Variants in SPATA31E1 observed in about 807,000 individuals in gnomAD.
The protein encoded by SPATA31E1 is spermatogenesis-associated protein 31E1.
SPATA31E1 carries 7 observed loss-of-function variants against 12.9 expected under a neutral mutation model. The ratio of observed to expected loss-of-function variants is 0.54; its 90% CI spans 0.31 to 1.02. SPATA31E1 has a LOEUF of 1.02. Ranked by LOEUF, SPATA31E1 falls within the 50% of genes least tolerant of loss-of-function variation. The pLI, the probability that SPATA31E1 is intolerant of heterozygous loss-of-function variation, is 0.05. For synonymous variants in SPATA31E1, 771 were observed against 719.0 expected, an observed-to-expected ratio of 1.07 and a Z score of -1.16; for missense variants, 1,961 against 1,799.8, an observed-to-expected ratio of 1.09 and a Z score of -1.62.
chr9:87,883,947 A>T, intron 1 of SPATA31E1, 45 bp from the exon 2 acceptor site: 1 of 1,572,744 alleles, frequency 6.4e-7, no homozygotes, highest in Non-Finnish European at 8.6e-7. Flanking sequence ...TGGGGAGAGG[A>T]GACTGAGAAC....
In SPATA31E1 at chr9:87,886,712, G is replaced by A. The variant is rs768665962; in HGVS notation, c.2225G>A (p.Arg742Lys). ...AAGGAGGCAGAAGGTGACTTACGGA[G>A]GTCCTGGAAGTACCAATCAGTAAGT... is the stretch of plus-strand genomic sequence containing the variant. ...EDKEAEGDLRRSWKYQSVSST... is the reference protein window; with the variant it reads ...EDKEAEGDLRKSWKYQSVSST... The change falls in exon 4 of 4, where the codon AGG (arginine) becomes AAG (lysine). Residue 742 changes from arginine to lysine, a missense_variant. Coordinates refer to ENST00000325643, the MANE Select transcript of SPATA31E1 (RefSeq NM_178828.5). 8 of 1,613,816 alleles carry A rather than the reference G, an allele frequency of 5.0e-6. No individual in the cohort carries two copies. In the African/African-American group the frequency reaches 5.3e-5, roughly 11 times the overall value.
chr9:87,883,040 A>G lies in SPATA31E1; in HGVS notation c.149A>G (p.Lys50Arg), dbSNP rs562954822. The G allele has an allele frequency of 2.3e-4, 364 of 1,613,572 alleles. 5 individuals carry two copies. The South Asian group carries it at 3.0e-3, about 13-fold the overall frequency. The change falls in exon 1 of 4, where the codon AAG becomes AGG. Residue 50 changes from lysine (K) to arginine (R), a missense_variant. Physicochemically the swap from Lys to Arg is conservative, Grantham distance 26. Coordinates refer to ENST00000325643, the MANE Select transcript of SPATA31E1 (RefSeq NM_178828.5). ...ATGGAGAAAATGCTCTTTCCTCTGA[A>G]GAGCCCTAGTGCCACATGGCTGAGC... The part of the protein sequence containing the change: ...LQMEKMLFPL[K>R]SPSATWLSPS...
Position 87,886,909 on chromosome 9 carries a change from C to A in SPATA31E1, c.2422C>A (p.Leu808Met). Residue 808 changes from leucine (L) to methionine (M), a missense_variant, in exon 4 of 4, where the codon CTG becomes ATG. Coordinates refer to ENST00000325643, the MANE Select transcript of SPATA31E1 (RefSeq NM_178828.5). Reference protein sequence around the residue: ...KSDTHRKPGKLASWRGGKAHV... With the variant: ...KSDTHRKPGKMASWRGGKAHV... ...TGACACCCACAGGAAACCTGGGAAG[C>A]TGGCATCCTGGAGGGGTGGGAAAGC... 1.2e-6 allele frequency: 2 copies of A among 1,614,108 alleles called. No homozygotes were observed. The highest frequency in any genetic ancestry group is 1.7e-6 in the Non-Finnish European group (2 of 1,180,012).
At position 87,885,876 on chromosome 9, in the gene SPATA31E1, A is replaced by G; in HGVS notation, c.1389A>G (p.Ser463=). 1 of 1,613,966 alleles carries G rather than the reference A, an allele frequency of 6.2e-7. No homozygotes were observed. ...TTVWVSRNPS[S]QNAHSVPLDK... The stretch of plus-strand genomic sequence containing the variant: ...TCTGGGTTTCTAGGAACCCTTCCTC[A>G]CAGAATGCACACTCTGTACCACTGG... The change falls in exon 4 of 4, where the codon TCA becomes TCG. Residue 463 remains serine (S), a synonymous_variant. Coordinates refer to ENST00000325643, the MANE Select transcript of SPATA31E1 (RefSeq NM_178828.5).
intron 3 of SPATA31E1, 72 bp downstream of exon 3, chr9:87,884,723 G>A (rs1828232232): frequency 8.2e-6 from 13 of 1,586,808 alleles, no homozygotes; most frequent in Non-Finnish European, 1.1e-5. Flanking sequence ...ACGGCCTGGT[G>A]GTGATCTGGG....
At position 87,885,690 on chromosome 9, in the gene SPATA31E1, G is replaced by A. The variant is rs556963122; in HGVS notation, c.1203G>A (p.Thr401=). 13 of 1,613,602 alleles carry A rather than the reference G, an allele frequency of 8.1e-6. No homozygotes were observed. Among genetic ancestry groups the A allele is most frequent in the African/African-American group, 2.7e-5 (2 of 74,990 alleles). ...CACTGGGGAAGGAGTGGGACATCAC[G>A]ACCCTAAATCCCTTCTGGAACGTGT... ...MTSLGKEWDI[T]TLNPFWNVST... Residue 401 remains threonine, a synonymous_variant, in exon 4 of 4, where the codon ACG becomes ACA. Coordinates refer to ENST00000325643, the MANE Select transcript of SPATA31E1 (RefSeq NM_178828.5).
Position 87,888,173 on chromosome 9 carries a change from G to C in SPATA31E1, c.3686G>C (p.Gly1229Ala). Reference protein sequence around the residue: ...SKGPRTSEASGRSHPAQAREI... With the variant: ...SKGPRTSEASARSHPAQAREI... ...GGACCCAGGACCTCTGAAGCCAGTG[G>C]GAGGAGCCACCCTGCCCAAGCCAGG... Residue 1229 changes from glycine (G) to alanine (A), a missense_variant, in exon 4 of 4, where the codon GGG (glycine) becomes GCG (alanine). Transcript: ENST00000325643. The C allele has an allele frequency of 6.2e-7, 1 of 1,613,204 alleles. No homozygotes were observed. The highest frequency in any genetic ancestry group is 8.5e-7 in the Non-Finnish European group (1 of 1,179,800).
In SPATA31E1 at chr9:87,886,003, T is replaced by G. The variant is rs1828263532; in HGVS notation, c.1516T>G (p.Phe506Val). Residue 506 changes from phenylalanine to valine, a missense_variant, in exon 4 of 4, where the codon TTC becomes GTC. Phe to Val is a conservative substitution (Grantham distance 50). Transcript: ENST00000325643. ...QPHHMAQPQH[F>V]TPAWPQSQPP... ...CCACCACATGGCCCAGCCCCAACAT[T>G]TCACTCCAGCCTGGCCCCAGTCCCA... 4.3e-6 allele frequency: 7 copies of G among 1,612,912 alleles called. No individual in the cohort carries two copies. The highest frequency in any genetic ancestry group is 5.9e-6 in the Non-Finnish European group (7 of 1,179,650).
Position 87,883,170 on chromosome 9 carries a change from C to T in SPATA31E1, c.279C>T (p.Pro93=), listed in dbSNP as rs1370942552. 3 of 1,583,724 alleles carry T rather than the reference C, an allele frequency of 1.9e-6. No individual in the cohort carries two copies. The highest frequency in any genetic ancestry group is 2.6e-6 in the Non-Finnish European group (3 of 1,161,284). ...LLYVHSDPPS[P]PPGRKRSSRE... ...ACGTCCACAGTGACCCACCCTCACC[C>T]CCGCCCGGGAGGAAGAGGAGCAGCA... The change falls in exon 1 of 4, where the codon CCC becomes CCT. Residue 93 remains proline (P), a synonymous_variant. Coordinates refer to ENST00000325643, the MANE Select transcript of SPATA31E1 (RefSeq NM_178828.5).
At chr9:87,883,951 T>C (rs1210066949) in intron 1 of SPATA31E1, 41 bp from the exon 2 acceptor site, 2 of 1,579,230 alleles carry the variant, frequency 1.3e-6, no homozygotes, top group African/African-American at 1.3e-5. Flanking sequence ...GAGAGGAGAC[T>C]GAGAACTGGT....
chr9:87,885,819 C>CT lies in SPATA31E1; in HGVS notation c.1333dup (p.Ser445PhefsTer4), dbSNP rs1443049845. 4 of 1,613,932 alleles carry CT rather than the reference C, an allele frequency of 2.5e-6. No individual in the cohort carries two copies. Among genetic ancestry groups the CT allele is most frequent in the Non-Finnish European group, 3.4e-6 (4 of 1,180,042 alleles). Reference sequence around the variant, plus strand: ...GCAGCCAGCTTTTCTGGGACCTCCCCTCTCTCAATAGCGAGTCCCTGGCGA... The same window carrying CT: ...GCAGCCAGCTTTTCTGGGACCTCCCCTTCTCTCAATAGCGAGTCCCTGGCGA... On this transcript the variant is annotated frameshift_variant, in exon 4 of 4. Coordinates refer to ENST00000325643, the MANE Select transcript of SPATA31E1 (RefSeq NM_178828.5). LOFTEE classifies it low-confidence loss of function (END_TRUNC).
rs1471915339 is a variant in SPATA31E1 at position 87,888,005 on chromosome 9, A to G, written c.3518A>G (p.Lys1173Arg). The change falls in exon 4 of 4, where the codon AAG becomes AGG. Residue 1173 changes from lysine to arginine, a missense_variant. Physicochemically the swap from Lys to Arg is conservative, Grantham distance 26 (BLOSUM62 2). Transcript: ENST00000325643. ...CAGGGGCCATGTGCCCTCCTATGGAAGGGAGGGGACAGTCCAGGGCAGCAG... is the reference window on the plus strand; with the variant it reads ...CAGGGGCCATGTGCCCTCCTATGGAGGGGAGGGGACAGTCCAGGGCAGCAG... ...ASQGPCALLW[K>R]GGDSPGQQEP... 2 of 1,613,426 alleles carry G rather than the reference A, an allele frequency of 1.2e-6. No individual in the cohort carries two copies. Among genetic ancestry groups the G allele is most frequent in the Non-Finnish European group, 1.7e-6 (2 of 1,179,922 alleles).
chr9:87,885,705 C>T lies in SPATA31E1; in HGVS notation c.1218C>T (p.Phe406=). 5 of 1,613,760 alleles carry T rather than the reference C, an allele frequency of 3.1e-6. No homozygotes were observed. Among genetic ancestry groups the T allele is most frequent in the Non-Finnish European group, 4.2e-6 (5 of 1,180,028 alleles). ...GGGACATCACGACCCTAAATCCCTT[C>T]TGGAACGTGTCAACCCAGCCACAGC... ...KEWDITTLNP[F]WNVSTQPQQL... The change falls in exon 4 of 4, where the codon TTC becomes TTT. Residue 406 remains phenylalanine (F), a synonymous_variant. Transcript: ENST00000325643.
At position 87,886,473 on chromosome 9, in the gene SPATA31E1, G is replaced by A. The variant is rs149910740; in HGVS notation, c.1986G>A (p.Gly662=). The part of the protein sequence containing the change: ...DLLQPDGEFP[G]RPQSQAEDTQ... ...TACAGCCTGATGGGGAATTCCCAGG[G>A]AGGCCCCAGAGTCAGGCAGAAGACA... The change falls in exon 4 of 4, where the codon GGG becomes GGA. Residue 662 remains glycine, a synonymous_variant. Coordinates refer to ENST00000325643, the MANE Select transcript of SPATA31E1 (RefSeq NM_178828.5). 1.4e-4 allele frequency: 224 copies of A among 1,613,996 alleles called. 1 individual carries two copies. The highest frequency in any genetic ancestry group is 7.5e-4 in the African/African-American group (56 of 75,014).
In SPATA31E1 at chr9:87,886,505, A is replaced by C; in HGVS notation, c.2018A>C (p.Gln673Pro). ...RPQSQAEDTQ[Q>P]ALLPSQPSDF... ...CAGAGTCAGGCAGAAGACACGCAGC[A>C]GGCCCTCTTGCCCTCCCAGCCTTCT... The change falls in exon 4 of 4, where the codon CAG (glutamine) becomes CCG (proline). Residue 673 changes from glutamine (Q) to proline (P), a missense_variant. By Grantham distance (76) the Gln-to-Pro change is moderately conservative. Coordinates refer to ENST00000325643, the MANE Select transcript of SPATA31E1 (RefSeq NM_178828.5). 6.2e-7 allele frequency: 1 copy of C among 1,613,800 alleles called. No homozygotes were observed.
rs1246397463 is a variant in SPATA31E1 at position 87,886,308 on chromosome 9, G to A, written c.1821G>A (p.Trp607Ter). Residue 607 changes from tryptophan (W) to a stop codon, truncating the protein, a stop_gained, in exon 4 of 4, where the codon TGG (tryptophan) becomes TGA (stop). Transcript: ENST00000325643. LOFTEE classifies it low-confidence loss of function (END_TRUNC). ...TTCCCCAAGAGAGGCCGGCCTCCTG[G>A]AGCCCCAAGTCAGCCCCCATCCTTC... ...AHLPQERPAS[W>*]SPKSAPILPG... 6.2e-6 allele frequency: 10 copies of A among 1,613,522 alleles called. No individual in the cohort carries two copies. Among genetic ancestry groups the A allele is most frequent in the Admixed American group, 3.3e-5 (2 of 59,992 alleles).
Position 87,883,084 on chromosome 9 carries a change from A to T in SPATA31E1, c.193A>T (p.Met65Leu). Residue 65 changes from methionine to leucine, a missense_variant, in exon 1 of 4, where the codon ATG becomes TTG. Transcript: ENST00000325643. ...GCTGAGCCCTAGCTCCACTCCCTGG[A>T]TGATGGATTTCATCCTCACCAGTGT... ...TWLSPSSTPW[M>L]MDFILTSVCG... 6.2e-7 allele frequency: 1 copy of T among 1,611,962 alleles called. No homozygotes were observed. The highest frequency in any genetic ancestry group is 8.5e-7 in the Non-Finnish European group (1 of 1,179,214).
rs10868670 is a variant in SPATA31E1 at position 87,887,543 on chromosome 9, T to A, written c.3056T>A (p.Val1019Glu). ...CCCTGTAGTAGCAGAGCCCTGCAAG[T>A]GCTCAGCATAGGGTCCCAGTGGGCA... ...GDPCSSRALQ[V>E]LSIGSQWARA... Residue 1019 changes from valine to glutamate, a missense_variant, in exon 4 of 4, where the codon GTG (valine) becomes GAG (glutamate). Physicochemically the swap from Val to Glu is moderately radical, Grantham distance 121. Transcript: ENST00000325643. The A allele has an allele frequency of 0.58, 942,072 of 1,613,846 alleles. 283,412 individuals carry two copies. The highest frequency in any genetic ancestry group is 0.89 in the African/African-American group (67,065 of 75,020).
At chr9:87,884,865 C>T (rs766638670) in intron 3 of SPATA31E1, 48 bp from the exon 4 acceptor site, 74 of 1,556,096 alleles carry the variant, frequency 4.8e-5, no homozygotes, top group Admixed American at 3.1e-4. Context: ...CCCAGCTTCC[C>T]GGCCCCATCT....
Sources: gnomAD v4.1 joint callset for allele counts on GRCh38, gnomAD v4.1.1 for gene constraint, MANE v1.5 for transcripts, NCBI Gene and HGNC (gene_info 2026-07-23, HGNC 2026-07-21) for gene names.